The following LMBR1 variants were observed in gnomAD, a reference collection of about 807,000 sequenced individuals.
LMBR1 encodes limb region 1 protein homolog.
Under a neutral mutation model 73.9 loss-of-function variants are expected in LMBR1, and 52 were observed. The ratio of observed to expected loss-of-function variants is 0.70; its 90% CI spans 0.56 to 0.89. The LOEUF (loss-of-function observed/expected upper bound fraction) is 0.89, where lower values mean the gene tolerates loss of function less well. LMBR1 is among the 40% of genes least tolerant of loss of function. The probability of loss-of-function intolerance (pLI) is 0.00; values close to 1 mark genes in which losing one functional copy is unlikely to be tolerated. For synonymous variants in LMBR1, 215 were observed against 209.4 expected, an observed-to-expected ratio of 1.03 and a Z score of -0.23; for missense variants, 539 against 579.8, an observed-to-expected ratio of 0.93 and a Z score of 0.72.
intron 5 of LMBR1, among the ~76,000 whole-genome samples, chr7:156,791,917 T>C (rs1829294862): frequency 6.6e-6 from 1 of 152,244 alleles, no homozygotes; most frequent in Non-Finnish European, 1.5e-5. Context: ...CTTGGGTTTA[T>C]GAATTAATCT....
At chr7:156,724,764 CTGTG>C (rs71189961) in intron 14 of LMBR1, among the ~76,000 whole-genome samples, 46,958 of 146,324 alleles carry the variant, frequency 0.32, 7,681 homozygotes, top group East Asian at 0.39. Flanking sequence ...AAAGAAATAG[CTGTG>C]TGTGTGTGTG....
At chr7:156,842,806 G>C (rs1159846591) in intron 1 of LMBR1, among the ~76,000 whole-genome samples, 1 of 152,146 alleles carries the variant, frequency 6.6e-6, no homozygotes, top group African/African-American at 2.4e-5. Context: ...TGGTGGTGCT[G>C]TAAAACATGA....
At chr7:156,698,933 A>G (rs1808979500) in intron 15 of LMBR1, among the ~76,000 whole-genome samples, 2 of 152,200 alleles carry the variant, frequency 1.3e-5, no homozygotes, top group South Asian at 4.1e-4. Context: ...CCAAACTTTT[A>G]TGCTGTTTTC....
At chr7:156,751,739 G>A (rs1478434748) in intron 9 of LMBR1, among the ~76,000 whole-genome samples, 1 of 152,194 alleles carries the variant, frequency 6.6e-6, no homozygotes, top group African/African-American at 2.4e-5. Context: ...AGACTCCAAG[G>A]ATTTGGCCTG....
intron 1 of LMBR1, among the ~76,000 whole-genome samples, chr7:156,874,054 G>C (rs1432006200): frequency 1.3e-5 from 2 of 152,260 alleles, no homozygotes; most frequent in African/African-American, 4.8e-5. Context: ...GTGGAGCAGG[G>C]GGTGGTGCTC....
intron 10 of LMBR1, among the ~76,000 whole-genome samples, chr7:156,729,475 C>CT (rs5888691): frequency 9.4e-4 from 113 of 120,766 alleles, no homozygotes; most frequent in East Asian, 5.9e-3. Flanking sequence ...CCCTTCTATT[C>CT]TTTTTTTTTT....
intron 10 of LMBR1, among the ~76,000 whole-genome samples, chr7:156,731,519 G>A (rs922249045): frequency 1.3e-5 from 2 of 152,122 alleles, no homozygotes; most frequent in African/African-American, 2.4e-5. Flanking sequence ...AAAGCCCTTT[G>A]AAAGAGCAAC....
chr7:156,752,841 T>G (rs187827355), intron 9 of LMBR1, among the ~76,000 whole-genome samples: 1 of 151,814 alleles, frequency 6.6e-6, no homozygotes, highest in African/African-American at 2.4e-5. Context: ...GCTAGCAGAA[T>G]GAAGGCTCGG....
chr7:156,744,626 G>A (rs1490253896), intron 9 of LMBR1, among the ~76,000 whole-genome samples: 2 of 151,938 alleles, frequency 1.3e-5, no homozygotes, highest in Admixed American at 6.6e-5. Context: ...TACTTTTGGT[G>A]TGTGACACAA....
chr7:156,802,207 C>A (rs1167835116), intron 4 of LMBR1, among the ~76,000 whole-genome samples: 1 of 152,060 alleles, frequency 6.6e-6, no homozygotes, highest in Non-Finnish European at 1.5e-5. Flanking sequence ...GCTCTTGAAC[C>A]CCTGACCTCA....
chr7:156,805,385 T>C (rs1399243538), intron 4 of LMBR1, among the ~76,000 whole-genome samples: 1 of 151,962 alleles, frequency 6.6e-6, no homozygotes, highest in Non-Finnish European at 1.5e-5. Context: ...CAGGCTAATT[T>C]TTGTATTTTT....
chr7:156,887,296 C>A (rs1455018418), intron 1 of LMBR1, among the ~76,000 whole-genome samples: 1 of 151,984 alleles, frequency 6.6e-6, no homozygotes, highest in Non-Finnish European at 1.5e-5. Flanking sequence ...AACCCCGTCT[C>A]TACTAAAAGT....
intron 5 of LMBR1, among the ~76,000 whole-genome samples, chr7:156,783,662 T>C (rs1258147443): frequency 6.6e-6 from 1 of 152,218 alleles, no homozygotes; most frequent in African/African-American, 2.4e-5. Context: ...CCTTGTTAAA[T>C]TTTTTTATTT....
intron 15 of LMBR1, among the ~76,000 whole-genome samples, chr7:156,720,768 C>T (rs954512750): frequency 6.6e-6 from 1 of 151,446 alleles, no homozygotes; most frequent in African/African-American, 2.4e-5. Context: ...GAGAAATTTT[C>T]AATATAGGGT....
intron 4 of LMBR1, among the ~76,000 whole-genome samples, chr7:156,807,283 G>T (rs925515148): frequency 2.0e-5 from 3 of 152,166 alleles, no homozygotes; most frequent in Non-Finnish European, 4.4e-5. Flanking sequence ...TTTTCTAGAA[G>T]AATCTGTGCA....
intron 1 of LMBR1, among the ~76,000 whole-genome samples, chr7:156,877,078 G>A (rs1720935074): frequency 6.6e-6 from 1 of 151,978 alleles, no homozygotes; most frequent in African/African-American, 2.4e-5. Context: ...TACACCATTA[G>A]CAAGATTAAC....
chr7:156,844,917 A>G (rs1225815156), intron 1 of LMBR1, among the ~76,000 whole-genome samples: 1 of 152,226 alleles, frequency 6.6e-6, no homozygotes, highest in Non-Finnish European at 1.5e-5. Context: ...TTAAAAACTA[A>G]TATTCTTAAA....
chr7:156,684,021 T>A lies in LMBR1; in HGVS notation c.*57A>T, dbSNP rs760700778. On this transcript the variant is annotated 3_prime_UTR_variant, in exon 17 of 17. Transcript: ENST00000353442. Reference sequence around the variant, plus strand: ...GAAATGCTTCTACATGGGACAGGAATGTCGTGAATCTGGAGTTCTCGGGTC... The same window carrying A: ...GAAATGCTTCTACATGGGACAGGAAAGTCGTGAATCTGGAGTTCTCGGGTC... The A allele has an allele frequency of 4.9e-5, 67 of 1,354,118 alleles. No individual in the cohort carries two copies. The highest frequency in any genetic ancestry group is 7.0e-5 in the Non-Finnish European group (66 of 946,202). The allele number at this position is 1,354,118 out of a possible 1,614,324, so 83.9% of individuals were successfully genotyped here.
At chr7:156,751,242 C>T (rs1285030415) in intron 9 of LMBR1, among the ~76,000 whole-genome samples, 2 of 151,954 alleles carry the variant, frequency 1.3e-5, no homozygotes, top group African/African-American at 2.4e-5. Flanking sequence ...AAAGGGGAAG[C>T]GTAGAGCAGA....
Sources: gnomAD v4.1 joint callset for allele counts (sites outside exome capture counted in the v4.1 genomes callset) on GRCh38, gnomAD v4.1.1 for gene constraint, MANE v1.5 for transcripts, NCBI Gene and HGNC (gene_info 2026-07-23, HGNC 2026-07-21) for gene names.